The following PCTP variants were observed in gnomAD, a reference collection of about 807,000 sequenced individuals.
PCTP encodes the protein phosphatidylcholine transfer protein, also known as START domain-containing protein 2.
PCTP carries 27 observed loss-of-function variants against 31.0 expected under a neutral mutation model. The ratio of observed to expected loss-of-function variants is 0.87; its 90% CI spans 0.64 to 1.20. The LOEUF (loss-of-function observed/expected upper bound fraction) is 1.20. Among genes scored for constraint, PCTP ranks in the 50% most tolerant of loss-of-function variants. The pLI is 0.00. For missense variants in PCTP, 287 were observed against 268.2 expected, an observed-to-expected ratio of 1.07 and a Z score of -0.49; for synonymous variants, 108 against 101.2, an observed-to-expected ratio of 1.07 and a Z score of -0.40.
At chr17:55,839,944 A>AAAAAAAAAAC (rs1905917425) in intron 5 of PCTP, among the ~76,000 whole-genome samples, 1 of 150,616 alleles carries the variant, frequency 6.6e-6, no homozygotes, top group Middle Eastern at 3.2e-3. Flanking sequence ...AAAAAAAAAA[A>AAAAAAAAAAC]AAACAACTGA....
intron 1 of PCTP, among the ~76,000 whole-genome samples, chr17:55,757,488 A>G (rs1052139887): frequency 5.9e-5 from 9 of 151,602 alleles, no homozygotes; most frequent in Admixed American, 5.3e-4. Flanking sequence ...ATGTATATAT[A>G]TATGTGGAAA....
At chr17:55,752,305 C>CT (rs1909757186) in intron 1 of PCTP, among the ~76,000 whole-genome samples, 1 of 152,194 alleles carries the variant, frequency 6.6e-6, no homozygotes, top group African/African-American at 2.4e-5. Context: ...AATGAAAACT[C>CT]TGCCTGTCTC....
At chr17:55,782,175 C>G (rs1911588366), downstream of PCTP, among the ~76,000 whole-genome samples, 1 of 152,210 alleles carries the variant, frequency 6.6e-6, no homozygotes, top group African/African-American at 2.4e-5. Context: ...AGAAGAGGGT[C>G]AGCCTTTTTG....
chr17:55,756,130 C>G (rs1910002968), intron 1 of PCTP, among the ~76,000 whole-genome samples: 1 of 152,178 alleles, frequency 6.6e-6, no homozygotes, highest in Non-Finnish European at 1.5e-5. Context: ...GGGAGATATT[C>G]ATCAACTGCC....
At chr17:55,790,056 A>C (rs890064292) in intron 3 of PCTP, among the ~76,000 whole-genome samples, 1 of 152,244 alleles carries the variant, frequency 6.6e-6, no homozygotes, top group East Asian at 1.9e-4. Flanking sequence ...CAAAAACCAC[A>C]TGATTATCTC....
downstream of PCTP, among the ~76,000 whole-genome samples, chr17:55,846,958 A>G (rs1392523157): frequency 6.6e-6 from 1 of 152,184 alleles, no homozygotes; most frequent in Non-Finnish European, 1.5e-5. Flanking sequence ...TCCTTGCTAG[A>G]CTGTAAATTC....
intron 5 of PCTP, among the ~76,000 whole-genome samples, chr17:55,837,300 C>G (rs1905810759): frequency 6.6e-6 from 1 of 152,156 alleles, no homozygotes. Context: ...TTGGTAAAGG[C>G]CATTCTAGCT....
chr17:55,838,293 G>T (rs373736887), intron 5 of PCTP, among the ~76,000 whole-genome samples: 1 of 152,166 alleles, frequency 6.6e-6, no homozygotes, highest in East Asian at 1.9e-4. Flanking sequence ...ACTCTCAGCC[G>T]CATTCATCTC....
chr17:55,760,316 G>T (rs569449073), intron 1 of PCTP, among the ~76,000 whole-genome samples: 6 of 152,138 alleles, frequency 3.9e-5, no homozygotes, highest in Non-Finnish European at 7.3e-5. Flanking sequence ...GGAGATTATC[G>T]TACCTACCTT....
chr17:55,836,085 A>G (rs547280421), intron 5 of PCTP, among the ~76,000 whole-genome samples: 2 of 152,210 alleles, frequency 1.3e-5, no homozygotes, highest in South Asian at 4.1e-4. Flanking sequence ...GCAAATACCT[A>G]TTGTGGTATA....
intron 1 of PCTP, among the ~76,000 whole-genome samples, chr17:55,757,406 A>T (rs2144913460): frequency 6.6e-6 from 1 of 151,400 alleles, no homozygotes; most frequent in East Asian, 2.0e-4. Flanking sequence ...AACAACTCTG[A>T]AAGGTAAGTA....
At chr17:55,775,744 TGTGTTTTCTTTTTTC>T in intron 5 of PCTP, 1 of 1,259,852 alleles carries the variant, frequency 7.9e-7, no homozygotes. Context: ...GCCCATTTCT[TGTGTTTTCTTTTTTC>T]CAGAAACACT....
downstream of PCTP, among the ~76,000 whole-genome samples, chr17:55,779,770 A>T (rs1309614867): frequency 6.6e-6 from 1 of 152,184 alleles, no homozygotes; most frequent in East Asian, 1.9e-4. Flanking sequence ...TATTACTTTG[A>T]ATCCTCTCCA....
At chr17:55,825,453 C>T (rs1287102143), downstream of PCTP, among the ~76,000 whole-genome samples, 1 of 152,248 alleles carries the variant, frequency 6.6e-6, no homozygotes, top group Non-Finnish European at 1.5e-5. Flanking sequence ...GATGATTTAA[C>T]ACCTGGCTGC....
At chr17:55,772,594 A>T (rs76232977) in intron 3 of PCTP, among the ~76,000 whole-genome samples, 1 of 151,602 alleles carries the variant, frequency 6.6e-6, no homozygotes, top group Non-Finnish European at 1.5e-5. Flanking sequence ...AAAAAAAAAA[A>T]AAGACACTGA....
Position 55,776,586 on chromosome 17 carries a change from A to G in PCTP, c.*486A>G. 8.1e-7 allele frequency: 1 copy of G among 1,231,430 alleles called. No individual in the cohort carries two copies. The highest frequency in any genetic ancestry group is 1.0e-6 in the Non-Finnish European group (1 of 988,240). 76.3% of individuals were successfully genotyped at this position (1,231,430 alleles called of 1,614,324 possible). On this transcript the variant is annotated 3_prime_UTR_variant, in exon 6 of 6. Coordinates refer to ENST00000268896, the MANE Select transcript of PCTP (RefSeq NM_021213.4). ...CTGCTGGAAGTGGCATTTCGTTCAGAGCTGACTTTCAGTGCACCCAAACTG... is the reference window on the plus strand; with the variant it reads ...CTGCTGGAAGTGGCATTTCGTTCAGGGCTGACTTTCAGTGCACCCAAACTG...
At chr17:55,761,417 C>T (rs2960071) in intron 1 of PCTP, among the ~76,000 whole-genome samples, 150,084 of 151,432 alleles carry the variant, frequency 0.99, 74,381 homozygotes, top group East Asian at 1. Context: ...AAGCCTCTGC[C>T]TGGTTTCTTC....
chr17:55,772,571 T>G (rs1473804130), intron 3 of PCTP, among the ~76,000 whole-genome samples: 24 of 139,184 alleles, frequency 1.7e-4, no homozygotes, highest in Non-Finnish European at 2.8e-4. Flanking sequence ...TGGGTGAGAC[T>G]CTGTCTCAAA....
At chr17:55,818,215 A>T (rs1275308197) in intron 3 of PCTP, among the ~76,000 whole-genome samples, 3 of 152,198 alleles carry the variant, frequency 2.0e-5, no homozygotes, top group Admixed American at 6.5e-5. Flanking sequence ...AGATCGCATG[A>T]TGTGATTCAG....
Sources: gnomAD v4.1 joint callset for allele counts (sites outside exome capture counted in the v4.1 genomes callset) on GRCh38, gnomAD v4.1.1 for gene constraint, MANE v1.5 for transcripts, NCBI Gene and HGNC (gene_info 2026-07-23, HGNC 2026-07-21) for gene names.